Variants in FBXO28 observed in about 807,000 individuals in gnomAD.
FBXO28 encodes F-box protein 28.
Under a neutral mutation model 38.1 loss-of-function variants are expected in FBXO28, and 8 were observed. The ratio of observed to expected loss-of-function variants is 0.21; its 90% CI spans 0.12 to 0.38. The LOEUF (loss-of-function observed/expected upper bound fraction) is 0.38, where lower values mean the gene tolerates loss of function less well. Ranked by LOEUF, FBXO28 falls within the 10% of genes least tolerant of loss-of-function variation. The probability of loss-of-function intolerance (pLI) is 1.00; values close to 1 mark genes in which losing one functional copy is unlikely to be tolerated. For synonymous variants in FBXO28, 168 were observed against 173.8 expected (o/e 0.97, Z 0.26); for missense variants, 345 against 460.6 (o/e 0.75, Z 2.30).
intron 1 of FBXO28, among the ~76,000 whole-genome samples, chr1:224,119,127 T>C (rs1478576847): frequency 5.4e-5 from 3 of 55,268 alleles, no homozygotes; most frequent in African/African-American, 2.1e-4. Flanking sequence ...TGATTTTTTC[T>C]TTTTTTTCTT....
chr1:224,145,293 C>CAGAAAA (rs1657473372), intron 3 of FBXO28, among the ~76,000 whole-genome samples: 1 of 73,566 alleles, frequency 1.4e-5, no homozygotes, highest in Non-Finnish European at 2.4e-5. Flanking sequence ...GACTACATCT[C>CAGAAAA]AAAAAAAAAA....
In FBXO28 at chr1:224,127,341, G is replaced by A. The variant is rs371373255; in HGVS notation, c.268-3131G>A. On this transcript the variant is annotated intron_variant, in intron 1 of 4. Transcript: ENST00000366862. ...CACTTGTGTGTTCTTGTGTTTTCCA[G>A]AATTTTCTGAGGTAAGAATACCTCA... Among the ~76,000 whole-genome samples, 17 of 152,140 alleles carry A rather than the reference G, an allele frequency of 1.1e-4. No individual in the cohort carries two copies. In the East Asian group the frequency reaches 3.3e-3, roughly 29 times the overall value.
rs1304405707 is a variant in FBXO28, at chr1:224,160,935, A to G, written c.*3189A>G. Reference sequence around the variant, plus strand: ...CACTACAGCTGGATTTTTGAGAGAAAATGGACATAAAACTAGGCTATGTGT... The same window carrying G: ...CACTACAGCTGGATTTTTGAGAGAAGATGGACATAAAACTAGGCTATGTGT... On this transcript the variant is annotated 3_prime_UTR_variant, in exon 5 of 5. Coordinates refer to ENST00000366862, the MANE Select transcript of FBXO28 (RefSeq NM_015176.4). 1 of 152,224 alleles carries G rather than the reference A, an allele frequency of 6.6e-6. No homozygotes were observed. The highest frequency in any genetic ancestry group is 6.5e-5 in the Admixed American group (1 of 15,278). 9.4% of individuals were successfully genotyped at this position (152,224 alleles called of 1,614,324 possible).
chr1:224,117,977 G>T (rs1029053774), intron 1 of FBXO28, among the ~76,000 whole-genome samples: 1 of 150,262 alleles, frequency 6.7e-6, no homozygotes, highest in African/African-American at 2.5e-5. Context: ...AACAAGTATA[G>T]GGAGCTTTTT....
At chr1:224,151,755 A>G (rs529412692) in intron 3 of FBXO28, among the ~76,000 whole-genome samples, 238 of 152,200 alleles carry the variant, frequency 1.6e-3, no homozygotes, top group African/African-American at 5.7e-3. Context: ...AGAAGTAGGA[A>G]TTTTAGGTCG....
At chr1:224,141,114 G>A (rs1391231700) in intron 3 of FBXO28, among the ~76,000 whole-genome samples, 6 of 152,148 alleles carry the variant, frequency 3.9e-5, no homozygotes, top group East Asian at 1.9e-4. Context: ...CCTGGGAGGC[G>A]GAGGCTGCAG....
At chr1:224,136,660 A>AG (rs1479353339) in intron 3 of FBXO28, among the ~76,000 whole-genome samples, 1 of 151,000 alleles carries the variant, frequency 6.6e-6, no homozygotes, top group Non-Finnish European at 1.5e-5. Flanking sequence ...CCTGGGAGGC[A>AG]GAGCTTGCAG....
intron 2 of FBXO28, among the ~76,000 whole-genome samples, chr1:224,131,895 C>T (rs765578386): frequency 1.9e-4 from 29 of 152,184 alleles, no homozygotes; most frequent in Admixed American, 2.6e-4. Flanking sequence ...AGAAAACCTG[C>T]GTAAATCATG....
chr1:224,116,723 T>C (rs781440818), intron 1 of FBXO28, among the ~76,000 whole-genome samples: 1 of 152,238 alleles, frequency 6.6e-6, no homozygotes, highest in Non-Finnish European at 1.5e-5. Context: ...ACACAATCCA[T>C]GTACTTACTA....
chr1:224,137,789 C>T (rs1657231353), intron 3 of FBXO28, among the ~76,000 whole-genome samples: 1 of 151,832 alleles, frequency 6.6e-6, no homozygotes. Context: ...GGTTGAGAAT[C>T]TGTAGTTAAG....
In FBXO28 at chr1:224,157,584, A is replaced by G. The variant is rs757156860; in HGVS notation, c.945A>G (p.Ala315=). Residue 315 remains alanine (A), a synonymous_variant, in exon 5 of 5, where the codon GCA becomes GCG. Transcript: ENST00000366862. ...CCCAGATCATAGGTGAACAAAATGCACGGTTGGCAGAGCTAGAACGCAAAC... is the reference window on the plus strand; with the variant it reads ...CCCAGATCATAGGTGAACAAAATGCGCGGTTGGCAGAGCTAGAACGCAAAC... The part of the protein sequence containing the change: ...EQTQIIGEQN[A]RLAELERKLR... 6.2e-7 allele frequency: 1 copy of G among 1,614,282 alleles called. No homozygotes were observed. The highest frequency in any genetic ancestry group is 1.1e-5 in the South Asian group (1 of 91,090).
chr1:224,122,862 GAGT>G (rs1039421570), intron 1 of FBXO28, among the ~76,000 whole-genome samples: 2 of 152,148 alleles, frequency 1.3e-5, no homozygotes, highest in Non-Finnish European at 2.9e-5. Flanking sequence ...CTACCTTTTA[GAGT>G]AGTGCCAGCA....
At chr1:224,154,823 A>AG (rs1269788799) in intron 4 of FBXO28, among the ~76,000 whole-genome samples, 1 of 151,010 alleles carries the variant, frequency 6.6e-6, no homozygotes, top group African/African-American at 2.4e-5. Flanking sequence ...AAAAAAAAAA[A>AG]AAAAATTAGC....
intron 3 of FBXO28, among the ~76,000 whole-genome samples, chr1:224,143,649 C>G (rs1177801784): frequency 6.6e-6 from 1 of 151,578 alleles, no homozygotes; most frequent in African/African-American, 2.4e-5. Flanking sequence ...ACGGTAAAAC[C>G]CCATTTCTAC....
At chr1:224,129,036 A>G (rs999053743) in intron 1 of FBXO28, among the ~76,000 whole-genome samples, 3 of 151,506 alleles carry the variant, frequency 2.0e-5, no homozygotes, top group African/African-American at 4.8e-5. Flanking sequence ...TTGATGTTCT[A>G]CTACACATGC....
intron 1 of FBXO28, among the ~76,000 whole-genome samples, chr1:224,129,860 G>A (rs1004725974): frequency 5.9e-5 from 9 of 152,048 alleles, no homozygotes; most frequent in Non-Finnish European, 1.2e-4. Context: ...CGTGGTGGCG[G>A]GCACCTGTAG....
At chr1:224,116,393 T>G (rs1461130942) in intron 1 of FBXO28, among the ~76,000 whole-genome samples, 3 of 152,180 alleles carry the variant, frequency 2.0e-5, no homozygotes, top group Non-Finnish European at 4.4e-5. Context: ...GAGCTGTACA[T>G]GCCTTCTTAA....
intron 1 of FBXO28, among the ~76,000 whole-genome samples, chr1:224,120,374 C>T (rs1363511636): frequency 6.6e-6 from 1 of 152,188 alleles, no homozygotes. Context: ...TAATTCTTCT[C>T]TGAACTTTAT....
intron 3 of FBXO28, among the ~76,000 whole-genome samples, chr1:224,148,364 G>C (rs1657560475): frequency 6.6e-6 from 1 of 152,086 alleles, no homozygotes; most frequent in South Asian, 2.1e-4. Context: ...TATATGTTAA[G>C]AAACGGCCAG....
Sources: gnomAD v4.1 joint callset for allele counts (sites outside exome capture counted in the v4.1 genomes callset) on GRCh38, gnomAD v4.1.1 for gene constraint, MANE v1.5 for transcripts, NCBI Gene and HGNC (gene_info 2026-07-23, HGNC 2026-07-21) for gene names.